The following KIFAP3 variants were observed in gnomAD, a reference collection of about 807,000 sequenced individuals.
KIFAP3 encodes the protein kinesin-associated protein 3.
A neutral mutation model predicts 106.5 loss-of-function variants in KIFAP3; 68 were observed. The observed-to-expected ratio is 0.64, with a 90% CI of 0.53 to 0.78. KIFAP3 has a LOEUF of 0.78. Among genes scored for constraint, KIFAP3 ranks in the 30% least tolerant of loss-of-function variants. The pLI is 0.00. For synonymous variants in KIFAP3, 320 were observed against 311.5 expected, an observed-to-expected ratio of 1.03 and a Z score of -0.29; for missense variants, 780 against 941.8, an observed-to-expected ratio of 0.83 and a Z score of 2.25.
At chr1:170,001,815 T>C (rs1667682692) in intron 10 of KIFAP3, among the ~76,000 whole-genome samples, 1 of 152,182 alleles carries the variant, frequency 6.6e-6, no homozygotes, top group African/African-American at 2.4e-5. Context: ...ATCATTATTC[T>C]GACCATTTCC....
chr1:169,981,824 T>C (rs748477223), intron 15 of KIFAP3, 148 bp downstream of exon 15: 12 of 634,146 alleles, frequency 1.9e-5, no homozygotes, highest in Admixed American at 3.1e-5. Flanking sequence ...TAGCAGTATA[T>C]TTAATTCATT....
At chr1:170,042,002 TTG>T (rs1021115428) in intron 3 of KIFAP3, 6 of 270,406 alleles carry the variant, frequency 2.2e-5, no homozygotes, top group African/African-American at 4.6e-5. Flanking sequence ...CTTGTCCTGT[TTG>T]TGTGTGGGGA....
At chr1:170,041,875 C>A in intron 3 of KIFAP3, 3 of 1,378,942 alleles carry the variant, frequency 2.2e-6, no homozygotes, top group Non-Finnish European at 2.8e-6. Flanking sequence ...GGAATTTCCC[C>A]AACTGGAAGG....
chr1:169,923,041 G>A (rs1356491214), intron 19 of KIFAP3: 2 of 973,674 alleles, frequency 2.1e-6, no homozygotes, highest in Admixed American at 6.2e-5. Context: ...TAAATGTAAA[G>A]AGCCAAAATA....
chr1:170,017,715 C>T (rs986879816), intron 9 of KIFAP3, among the ~76,000 whole-genome samples: 2 of 152,238 alleles, frequency 1.3e-5, no homozygotes, highest in African/African-American at 4.8e-5. Context: ...GTTCCTAGAC[C>T]AGGAATACTC....
intron 9 of KIFAP3, among the ~76,000 whole-genome samples, chr1:170,021,622 T>C (rs1401564995): frequency 4.0e-5 from 6 of 151,688 alleles, no homozygotes; most frequent in Non-Finnish European, 8.8e-5. Flanking sequence ...GTATTTTTAG[T>C]AGAGATGGTG....
chr1:170,008,812 T>G (rs556983265), intron 10 of KIFAP3, among the ~76,000 whole-genome samples: 1 of 152,156 alleles, frequency 6.6e-6, no homozygotes, highest in Non-Finnish European at 1.5e-5. Flanking sequence ...TAAAGACACA[T>G]GCACACATAT....
At chr1:169,945,435 T>C (rs1382152856) in intron 19 of KIFAP3, among the ~76,000 whole-genome samples, 1 of 152,174 alleles carries the variant, frequency 6.6e-6, no homozygotes, top group Admixed American at 6.5e-5. Context: ...GCAGGGCTCA[T>C]GCCTCTTCCC....
chr1:170,001,057 T>C (rs1482128570), intron 10 of KIFAP3, among the ~76,000 whole-genome samples: 1 of 152,152 alleles, frequency 6.6e-6, no homozygotes. Context: ...ACATTTTTGA[T>C]AGATTTTCAT....
chr1:170,046,560 CTTTG>C, intron 3 of KIFAP3, 148 bp downstream of exon 3: 1 of 517,446 alleles, frequency 1.9e-6, no homozygotes, highest in South Asian at 4.0e-5. Flanking sequence ...AATGTTTATT[CTTTG>C]TTGTTTACTC....
intron 5 of KIFAP3, among the ~76,000 whole-genome samples, chr1:170,036,720 TA>T (rs912723075): frequency 1.3e-5 from 2 of 152,170 alleles, no homozygotes; most frequent in African/African-American, 4.8e-5. Context: ...AACTGTTCTA[TA>T]ATGTCATAAA....
At chr1:170,057,776 T>G (rs935145017) in intron 1 of KIFAP3, among the ~76,000 whole-genome samples, 7 of 152,052 alleles carry the variant, frequency 4.6e-5, no homozygotes, top group South Asian at 2.1e-4. Flanking sequence ...GAAAAAAATT[T>G]GAGCCATTAT....
chr1:169,946,780 T>A (rs1365910290), intron 19 of KIFAP3, among the ~76,000 whole-genome samples: 1 of 152,042 alleles, frequency 6.6e-6, no homozygotes, highest in Non-Finnish European at 1.5e-5. Context: ...TTTTATTCTT[T>A]GAATCTTTTA....
chr1:170,045,798 A>G (rs1253147633), intron 3 of KIFAP3, among the ~76,000 whole-genome samples: 2 of 152,204 alleles, frequency 1.3e-5, no homozygotes, highest in Non-Finnish European at 2.9e-5. Flanking sequence ...ATAACTAAGC[A>G]TTAATAGGCT....
intron 10 of KIFAP3, among the ~76,000 whole-genome samples, chr1:170,004,094 C>G (rs1448655077): frequency 1.3e-5 from 2 of 150,192 alleles, no homozygotes; most frequent in Non-Finnish European, 3.0e-5. Context: ...CATGAGTGAA[C>G]TCCCATTCAC....
intron 19 of KIFAP3, among the ~76,000 whole-genome samples, chr1:169,947,961 T>C (rs1022679419): frequency 5.3e-5 from 8 of 151,150 alleles, no homozygotes; most frequent in African/African-American, 1.9e-4. Flanking sequence ...TATAATCTAG[T>C]ATGTAGACAA....
intron 2 of KIFAP3, 85 bp from the exon 3 acceptor site, chr1:170,046,951 TA>T: frequency 1.4e-6 from 1 of 724,910 alleles, no homozygotes; most frequent in Non-Finnish European, 2.0e-6. Flanking sequence ...TTATAGATTA[TA>T]AATTATTATA....
intron 1 of KIFAP3, among the ~76,000 whole-genome samples, chr1:170,059,746 A>G (rs1021636469): frequency 1.3e-5 from 2 of 152,244 alleles, no homozygotes; most frequent in Non-Finnish European, 1.5e-5. Context: ...TCCCTGATGA[A>G]CATCGATGCA....
chr1:170,052,469 G>C (rs1379584595), intron 2 of KIFAP3, among the ~76,000 whole-genome samples: 1 of 152,012 alleles, frequency 6.6e-6, no homozygotes, highest in African/African-American at 2.4e-5. Flanking sequence ...AGAAAAAGAG[G>C]GACTCCTTCC....
Sources: allele counts gnomAD v4.1 joint callset (sites outside exome capture counted in the v4.1 genomes callset), GRCh38; gene constraint gnomAD v4.1.1; transcripts MANE v1.5; gene names NCBI Gene and HGNC (gene_info 2026-07-23, HGNC 2026-07-21).